The following CSMD1 variants were observed in gnomAD, a reference collection of about 807,000 sequenced individuals.
The protein encoded by CSMD1 is CUB and Sushi multiple domains 1.
CSMD1 carries 213 observed loss-of-function variants against 417.5 expected under a neutral mutation model. The ratio of observed to expected loss-of-function variants is 0.51; its 90% CI spans 0.46 to 0.57. CSMD1 has a LOEUF of 0.57. Among genes scored for constraint, CSMD1 ranks in the 20% least tolerant of loss-of-function variants. The pLI is 0.00. For missense variants in CSMD1, 6,923 were observed against 4,529.7 expected (o/e 1.53, Z -15.17); for synonymous variants, 2,862 against 1,736.8 (o/e 1.65, Z -16.11).
chr8:3,259,524 A>G (rs1416262248), intron 26 of CSMD1, among the ~76,000 whole-genome samples: 1 of 152,240 alleles, frequency 6.6e-6, no homozygotes, highest in Non-Finnish European at 1.5e-5. Context: ...CTTTGTCTGT[A>G]AGGGGTAGGT....
At chr8:4,046,505 G>C (rs142796430) in intron 3 of CSMD1, among the ~76,000 whole-genome samples, 29 of 152,280 alleles carry the variant, frequency 1.9e-4, no homozygotes, top group African/African-American at 6.5e-4. Flanking sequence ...AGCATGTTTT[G>C]TGGTTGCTGT....
At chr8:4,709,199 A>C (rs1292412970) in intron 1 of CSMD1, among the ~76,000 whole-genome samples, 1 of 152,142 alleles carries the variant, frequency 6.6e-6, no homozygotes, top group African/African-American at 2.4e-5. Flanking sequence ...ATCGAGAGAG[A>C]GGAATTCCTC....
At chr8:3,413,730 C>T (rs1239318533) in intron 12 of CSMD1, among the ~76,000 whole-genome samples, 2 of 152,156 alleles carry the variant, frequency 1.3e-5, no homozygotes, top group Non-Finnish European at 2.9e-5. Flanking sequence ...ATTTGAGGTT[C>T]ATATCACCTT....
chr8:4,690,542 A>C (rs1715344299), intron 1 of CSMD1, among the ~76,000 whole-genome samples: 1 of 152,190 alleles, frequency 6.6e-6, no homozygotes, highest in African/African-American at 2.4e-5. Context: ...ATCTGTCATG[A>C]CACATCGCAC....
intron 2 of CSMD1, among the ~76,000 whole-genome samples, chr8:4,536,150 G>C (rs778533945): frequency 6.6e-6 from 1 of 151,970 alleles, no homozygotes; most frequent in Non-Finnish European, 1.5e-5. Flanking sequence ...TATATAAACC[G>C]CAACTCAGTA....
chr8:3,483,408 A>G (rs1468162799), intron 11 of CSMD1, among the ~76,000 whole-genome samples: 1 of 152,078 alleles, frequency 6.6e-6, no homozygotes, highest in South Asian at 2.1e-4. Flanking sequence ...TTTGTCAAAA[A>G]CTATTAACTA....
At chr8:4,284,262 C>T (rs868240189) in intron 3 of CSMD1, among the ~76,000 whole-genome samples, 4 of 151,968 alleles carry the variant, frequency 2.6e-5, no homozygotes, top group Admixed American at 6.6e-5. Context: ...TAGCTGCTCG[C>T]GAGGCTGAGA....
At chr8:4,128,869 C>G (rs553151981) in intron 3 of CSMD1, among the ~76,000 whole-genome samples, 1 of 151,962 alleles carries the variant, frequency 6.6e-6, no homozygotes, top group Non-Finnish European at 1.5e-5. Flanking sequence ...TCTGTGCATG[C>G]GCTGTATCAT....
intron 12 of CSMD1, among the ~76,000 whole-genome samples, chr8:3,423,043 G>A (rs190062790): frequency 6.6e-6 from 1 of 152,184 alleles, no homozygotes; most frequent in Non-Finnish European, 1.5e-5. Flanking sequence ...GCACCAGCTA[G>A]TCGAGTTGTA....
intron 2 of CSMD1, among the ~76,000 whole-genome samples, chr8:4,618,323 A>C (rs1359046224): frequency 2.6e-5 from 4 of 152,138 alleles, no homozygotes. Flanking sequence ...GAAATCCAGG[A>C]AGCCCAGCTT....
At chr8:4,634,014 T>C (rs1478460698) in intron 2 of CSMD1, among the ~76,000 whole-genome samples, 1 of 143,658 alleles carries the variant, frequency 7.0e-6, no homozygotes, top group African/African-American at 2.6e-5. Context: ...AAAAAAACAA[T>C]GAAGAGATGC....
chr8:3,264,589 A>G (rs2897414), intron 26 of CSMD1, among the ~76,000 whole-genome samples: 45,806 of 152,092 alleles, frequency 0.3, 7,146 homozygotes, highest in South Asian at 0.35. Context: ...AATATTAACA[A>G]TCATTTATAT....
intron 25 of CSMD1, among the ~76,000 whole-genome samples, chr8:3,291,578 T>C (rs1803566765): frequency 6.6e-6 from 1 of 152,224 alleles, no homozygotes; most frequent in Non-Finnish European, 1.5e-5. Flanking sequence ...TCGAGGAATT[T>C]ATCCATTTTT....
intron 5 of CSMD1, among the ~76,000 whole-genome samples, chr8:3,851,476 A>G (rs1444165619): frequency 2.0e-5 from 3 of 152,184 alleles, no homozygotes; most frequent in African/African-American, 7.2e-5. Flanking sequence ...GAAAAAGTAC[A>G]AAAAGAAAGA....
At chr8:4,166,215 T>C (rs1184243997) in intron 3 of CSMD1, among the ~76,000 whole-genome samples, 2 of 152,198 alleles carry the variant, frequency 1.3e-5, no homozygotes, top group Non-Finnish European at 2.9e-5. Flanking sequence ...ATGACATATT[T>C]CATTTAACCC....
chr8:3,328,494 C>A (rs1036138906), intron 23 of CSMD1, among the ~76,000 whole-genome samples: 3 of 152,206 alleles, frequency 2.0e-5, no homozygotes, highest in Admixed American at 6.5e-5. Context: ...CCAAATACTT[C>A]AAATATTGTG....
chr8:3,663,242 T>G (rs568254250), intron 7 of CSMD1, among the ~76,000 whole-genome samples: 1 of 152,230 alleles, frequency 6.6e-6, no homozygotes, highest in East Asian at 1.9e-4. Context: ...GAAGAGGCCG[T>G]TCTCCATGAA....
intron 10 of CSMD1, among the ~76,000 whole-genome samples, chr8:3,524,832 A>G (rs1197284178): frequency 6.6e-6 from 1 of 152,064 alleles, no homozygotes; most frequent in Non-Finnish European, 1.5e-5. Flanking sequence ...ATGCACACAC[A>G]GAGCCTTTAC....
intron 2 of CSMD1, among the ~76,000 whole-genome samples, chr8:4,447,381 G>A (rs557183941): frequency 6.6e-6 from 1 of 152,296 alleles, no homozygotes; most frequent in Non-Finnish European, 1.5e-5. Context: ...ATCCCTTTCA[G>A]CTCCTTGAAT....
Sources: allele counts gnomAD v4.1 joint callset (sites outside exome capture counted in the v4.1 genomes callset), GRCh38; gene constraint gnomAD v4.1.1; transcripts MANE v1.5; gene names NCBI Gene and HGNC (gene_info 2026-07-23, HGNC 2026-07-21).